PCDH9: variants seen among roughly 807,000 people sequenced by gnomAD.
The protein encoded by PCDH9 is protocadherin 9.
A neutral mutation model predicts 70.6 loss-of-function variants in PCDH9; 24 were observed. That is an observed-to-expected ratio of 0.34 (90% confidence interval 0.25 to 0.48). The LOEUF (loss-of-function observed/expected upper bound fraction) is 0.48. Ranked by LOEUF, PCDH9 falls within the 20% of genes least tolerant of loss-of-function variation. The probability of loss-of-function intolerance (pLI) is 0.99; values close to 1 mark genes in which losing one functional copy is unlikely to be tolerated. For synonymous variants in PCDH9, 562 were observed against 558.5 expected, an observed-to-expected ratio of 1.01 and a Z score of -0.09; for missense variants, 1,281 against 1,503.6, an observed-to-expected ratio of 0.85 and a Z score of 2.45.
intron 3 of PCDH9, among the ~76,000 whole-genome samples, chr13:66,709,420 G>C (rs1252919415): frequency 6.6e-6 from 1 of 152,092 alleles, no homozygotes; most frequent in Non-Finnish European, 1.5e-5. Flanking sequence ...CCCAGTTTCA[G>C]TAAATCTAGG....
intron 3 of PCDH9, among the ~76,000 whole-genome samples, chr13:66,863,549 G>C (rs2081519089): frequency 6.6e-6 from 1 of 152,074 alleles, no homozygotes; most frequent in South Asian, 2.1e-4. Context: ...GCAGTGGCAG[G>C]ATCTAGGCTC....
chr13:66,949,963 T>C (rs906318192), intron 2 of PCDH9, among the ~76,000 whole-genome samples: 6 of 152,088 alleles, frequency 3.9e-5, no homozygotes, highest in African/African-American at 9.7e-5. Flanking sequence ...AAAAATCTAG[T>C]GATTAGAAGA....
chr13:66,776,285 C>G (rs58962771), intron 3 of PCDH9, among the ~76,000 whole-genome samples: 2,817 of 150,524 alleles, frequency 0.019, 85 homozygotes, highest in African/African-American at 0.065. Flanking sequence ...CCAGGGCAAT[C>G]AGGCAGGAGA....
chr13:66,903,268 C>T (rs183375480), intron 3 of PCDH9, among the ~76,000 whole-genome samples: 2 of 151,494 alleles, frequency 1.3e-5, no homozygotes, highest in African/African-American at 4.8e-5. Context: ...TTCCATGTTA[C>T]TAACATTATG....
chr13:66,785,321 T>TA (rs2080062273), intron 3 of PCDH9, among the ~76,000 whole-genome samples: 1 of 152,054 alleles, frequency 6.6e-6, no homozygotes, highest in African/African-American at 2.4e-5. Context: ...AATTTTGAGT[T>TA]AAAAGACTTG....
intron 3 of PCDH9, among the ~76,000 whole-genome samples, chr13:66,901,595 C>T (rs910748334): frequency 1.3e-5 from 2 of 151,642 alleles, no homozygotes; most frequent in African/African-American, 2.4e-5. Flanking sequence ...TTTCACTGTT[C>T]TTTCACAAAT....
chr13:66,452,496 C>T (rs771089051), intron 4 of PCDH9, among the ~76,000 whole-genome samples: 1 of 152,026 alleles, frequency 6.6e-6, no homozygotes, highest in Admixed American at 6.6e-5. Context: ...TCTTGAAGAT[C>T]CTTTCTTTTG....
rs915286772 is a variant in PCDH9 at position 67,181,988 on chromosome 13, G to A, written c.3036+43417C>T. Among the ~76,000 whole-genome samples the A allele has an allele frequency of 2.0e-5, 3 of 152,244 alleles. No homozygotes were observed. In the East Asian group the frequency reaches 5.8e-4, roughly 29 times the overall value. ...TTCACCTGATTGACCAGTCCTTTGT[G>A]TCCTGTGGTGGTTCCTCTCCTCCTG... is the stretch of plus-strand genomic sequence containing the variant. On this transcript the variant is annotated intron_variant, in intron 2 of 4. Coordinates refer to ENST00000377865, the MANE Select transcript of PCDH9 (RefSeq NM_203487.3).
intron 4 of PCDH9, among the ~76,000 whole-genome samples, chr13:66,546,917 C>T (rs894302442): frequency 1.3e-5 from 2 of 152,152 alleles, no homozygotes; most frequent in East Asian, 1.9e-4. Flanking sequence ...GTACAGGTTC[C>T]TAGCCTAGGA....
chr13:66,585,212 G>T (rs1263257689), intron 4 of PCDH9, among the ~76,000 whole-genome samples: 1 of 152,006 alleles, frequency 6.6e-6, no homozygotes. Flanking sequence ...ATGCATATAT[G>T]CATTATTTTT....
chr13:67,006,245 A>C (rs1394323024), intron 2 of PCDH9, among the ~76,000 whole-genome samples: 1 of 151,960 alleles, frequency 6.6e-6, no homozygotes, highest in Non-Finnish European at 1.5e-5. Context: ...CAAACAAACA[A>C]AAAAATTGGA....
At chr13:66,823,211 C>A (rs190377263) in intron 3 of PCDH9, among the ~76,000 whole-genome samples, 93 of 151,932 alleles carry the variant, frequency 6.1e-4, no homozygotes, top group African/African-American at 2.1e-3. Context: ...AGAAAAAAAG[C>A]AGTTCTACTT....
At chr13:66,997,472 C>T (rs1381686253) in intron 2 of PCDH9, among the ~76,000 whole-genome samples, 1 of 152,052 alleles carries the variant, frequency 6.6e-6, no homozygotes, top group Admixed American at 6.6e-5. Flanking sequence ...GACCCAGACA[C>T]CACCCATTAG....
At chr13:66,428,869 T>C (rs544197758) in intron 4 of PCDH9, among the ~76,000 whole-genome samples, 42 of 151,958 alleles carry the variant, frequency 2.8e-4, no homozygotes, top group Non-Finnish European at 7.4e-5. Context: ...AAAAATGATA[T>C]GCCCCAATAT....
chr13:67,107,188 G>T (rs892242512), intron 2 of PCDH9, among the ~76,000 whole-genome samples: 1 of 151,526 alleles, frequency 6.6e-6, no homozygotes, highest in Non-Finnish European at 1.5e-5. Flanking sequence ...GCTTTTCATG[G>T]ATCTGCCCAT....
intron 2 of PCDH9, chr13:67,217,813 T>C (rs2089641569): frequency 6.6e-6 from 1 of 152,026 alleles, no homozygotes; most frequent in Non-Finnish European, 1.5e-5. Flanking sequence ...GAGTTTCTTC[T>C]TAGGAGAAAT....
chr13:66,774,483 CA>C (rs1210141280), intron 3 of PCDH9, among the ~76,000 whole-genome samples: 1 of 152,050 alleles, frequency 6.6e-6, no homozygotes, highest in African/African-American at 2.4e-5. Flanking sequence ...GGGAACTCAT[CA>C]GCAAATTTTA....
intron 3 of PCDH9, among the ~76,000 whole-genome samples, chr13:66,753,534 T>C (rs1463230324): frequency 6.6e-6 from 1 of 150,840 alleles, no homozygotes; most frequent in South Asian, 2.1e-4. Flanking sequence ...TAACAAAAAA[T>C]GTGTTACAGG....
chr13:66,575,490 C>A (rs538459817), intron 4 of PCDH9, among the ~76,000 whole-genome samples: 1 of 152,068 alleles, frequency 6.6e-6, no homozygotes, highest in Non-Finnish European at 1.5e-5. Context: ...TGCTGAAAAG[C>A]CTTAGAAGGT....
Sources: allele counts gnomAD v4.1 joint callset (sites outside exome capture counted in the v4.1 genomes callset), GRCh38; gene constraint gnomAD v4.1.1; transcripts MANE v1.5; gene names NCBI Gene and HGNC (gene_info 2026-07-23, HGNC 2026-07-21).